Variants in XYLT1 observed in about 807,000 individuals in gnomAD.
The protein encoded by XYLT1 is beta-D-xylosyltransferase 1.
A neutral mutation model predicts 91.3 loss-of-function variants in XYLT1; 36 were observed. The observed-to-expected ratio is 0.39, with a 90% CI of 0.30 to 0.52. The LOEUF (loss-of-function observed/expected upper bound fraction) is 0.52, where lower values mean the gene tolerates loss of function less well. Ranked by LOEUF, XYLT1 falls within the 20% of genes least tolerant of loss-of-function variation. The pLI is 0.68. For synonymous variants in XYLT1, 588 were observed against 532.0 expected (o/e 1.11, Z -1.45); for missense variants, 1,242 against 1,284.5 (o/e 0.97, Z 0.51).
chr16:17,247,154 TTTATTCATTCAC>T (rs1422941567), intron 3 of XYLT1, among the ~76,000 whole-genome samples: 1 of 85,710 alleles, frequency 1.2e-5, no homozygotes, highest in Non-Finnish European at 2.3e-5. Flanking sequence ...CATTCATTCA[TTTATTCATTCAC>T]TCATTCACTC....
At chr16:17,294,276 G>A (rs924453527) in intron 2 of XYLT1, among the ~76,000 whole-genome samples, 1 of 152,110 alleles carries the variant, frequency 6.6e-6, no homozygotes, top group Non-Finnish European at 1.5e-5. Flanking sequence ...CGGACAGGTG[G>A]CAACACCTGT....
At chr16:17,416,647 A>G (rs1448104253) in intron 1 of XYLT1, among the ~76,000 whole-genome samples, 1 of 152,150 alleles carries the variant, frequency 6.6e-6, no homozygotes, top group Admixed American at 6.5e-5. Flanking sequence ...GTCAATGTCA[A>G]CAGCCTTTAC....
intron 3 of XYLT1, among the ~76,000 whole-genome samples, chr16:17,240,896 G>A (rs2033335396): frequency 6.6e-6 from 1 of 152,176 alleles, no homozygotes; most frequent in Non-Finnish European, 1.5e-5. Context: ...ATGTTCCATA[G>A]CTGTTGGTAG....
At chr16:17,298,266 A>AAG in intron 2 of XYLT1, among the ~76,000 whole-genome samples, 1 of 152,110 alleles carries the variant, frequency 6.6e-6, no homozygotes, top group Admixed American at 6.5e-5. Context: ...AATGGGCTGG[A>AAG]GGTATAGTGT....
intron 1 of XYLT1, among the ~76,000 whole-genome samples, chr16:17,365,363 A>G (rs1269334895): frequency 1.3e-5 from 2 of 152,188 alleles, no homozygotes; most frequent in African/African-American, 4.8e-5. Context: ...GGGCACGTGC[A>G]GGGCAGGCGG....
chr16:17,290,207 T>G (rs928567653), intron 2 of XYLT1, among the ~76,000 whole-genome samples: 1 of 152,262 alleles, frequency 6.6e-6, no homozygotes, highest in Admixed American at 6.5e-5. Context: ...AAGCCACATC[T>G]TCAAAATTTC....
chr16:17,344,115 G>A (rs2035105915), intron 2 of XYLT1, among the ~76,000 whole-genome samples: 1 of 152,206 alleles, frequency 6.6e-6, no homozygotes, highest in Non-Finnish European at 1.5e-5. Context: ...AACTGGAGGA[G>A]GGAGTGTCAT....
intron 1 of XYLT1, among the ~76,000 whole-genome samples, chr16:17,367,399 G>A (rs1374894817): frequency 6.6e-6 from 1 of 152,162 alleles, no homozygotes; most frequent in Non-Finnish European, 1.5e-5. Context: ...GGGAACACAC[G>A]CCACATCTAT....
intron 3 of XYLT1, among the ~76,000 whole-genome samples, chr16:17,240,684 A>G (rs1354800921): frequency 6.6e-6 from 1 of 152,214 alleles, no homozygotes; most frequent in East Asian, 1.9e-4. Context: ...AGCTTTCCAG[A>G]AGGAAATAAT....
intron 3 of XYLT1, among the ~76,000 whole-genome samples, chr16:17,218,672 C>CGG (rs2032906422): frequency 6.6e-6 from 1 of 152,172 alleles, no homozygotes; most frequent in Non-Finnish European, 1.5e-5. Flanking sequence ...GCTATTACTC[C>CGG]GGCCCCCATC....
chr16:17,390,673 A>T (rs1449745889), intron 1 of XYLT1, among the ~76,000 whole-genome samples: 1 of 152,258 alleles, frequency 6.6e-6, no homozygotes, highest in Non-Finnish European at 1.5e-5. Flanking sequence ...ACTTTAAAAG[A>T]TAACAGTCCT....
intron 10 of XYLT1, among the ~76,000 whole-genome samples, chr16:17,122,933 A>G (rs769560745): frequency 2.6e-5 from 4 of 152,078 alleles, no homozygotes; most frequent in Non-Finnish European, 4.4e-5. Flanking sequence ...CCACTGTTCT[A>G]TATGCCTTTT....
chr16:17,124,790 T>C (rs2030199156), intron 10 of XYLT1, among the ~76,000 whole-genome samples: 1 of 86,330 alleles, frequency 1.2e-5, no homozygotes, highest in Admixed American at 1.3e-4. Flanking sequence ...TTGTTCATTT[T>C]TTAAAAATTC....
chr16:17,196,476 G>C (rs2032428525), intron 5 of XYLT1, among the ~76,000 whole-genome samples: 1 of 152,140 alleles, frequency 6.6e-6, no homozygotes, highest in African/African-American at 2.4e-5. Context: ...CCACTGTTGG[G>C]GGAAGAGGAT....
chr16:17,289,162 C>T (rs1219596464), intron 2 of XYLT1, among the ~76,000 whole-genome samples: 1 of 152,140 alleles, frequency 6.6e-6, no homozygotes, highest in Non-Finnish European at 1.5e-5. Flanking sequence ...ACCTCTCAAC[C>T]CTGCCATTGT....
chr16:17,261,712 C>T (rs1021349389), intron 2 of XYLT1, among the ~76,000 whole-genome samples: 17 of 152,216 alleles, frequency 1.1e-4, no homozygotes, highest in African/African-American at 3.4e-4. Flanking sequence ...CATATAGAGA[C>T]AGTAAGCAGC....
intron 2 of XYLT1, among the ~76,000 whole-genome samples, chr16:17,333,437 T>C (rs2034930534): frequency 6.6e-6 from 1 of 152,114 alleles, no homozygotes; most frequent in Non-Finnish European, 1.5e-5. Context: ...AGTAACCCTG[T>C]GTGGCTGGTG....
chr16:17,181,252 C>T (rs562860315), intron 5 of XYLT1, among the ~76,000 whole-genome samples: 16 of 152,272 alleles, frequency 1.1e-4, no homozygotes, highest in Admixed American at 3.9e-4. Flanking sequence ...CAGCTCAAGG[C>T]AACTACCTTC....
chr16:17,291,669 G>C (rs890234698), intron 2 of XYLT1, among the ~76,000 whole-genome samples: 10 of 152,180 alleles, frequency 6.6e-5, no homozygotes, highest in African/African-American at 2.4e-4. Context: ...TGCTGAGAAG[G>C]GGTACAGGAA....
Sources: allele counts gnomAD v4.1 joint callset (sites outside exome capture counted in the v4.1 genomes callset), GRCh38; gene constraint gnomAD v4.1.1; transcripts MANE v1.5; gene names NCBI Gene and HGNC (gene_info 2026-07-23, HGNC 2026-07-21).